The following REV3L variants were observed in gnomAD, a reference collection of about 807,000 sequenced individuals.
REV3L encodes REV3 like, DNA directed polymerase zeta catalytic subunit.
In REV3L, 69 loss-of-function variants were observed where a neutral mutation model predicts 299.4. That is an observed-to-expected ratio of 0.23 (90% confidence interval 0.19 to 0.28). The LOEUF (loss-of-function observed/expected upper bound fraction) is 0.28. Ranked by LOEUF, REV3L falls within the 10% of genes least tolerant of loss-of-function variation. REV3L has a pLI of 1.00. For synonymous variants in REV3L, 1,238 were observed against 1,271.4 expected, an observed-to-expected ratio of 0.97 and a Z score of 0.56; for missense variants, 3,128 against 3,693.8, an observed-to-expected ratio of 0.85 and a Z score of 3.97.
At chr6:111,425,163 T>C (rs1456459190) in intron 1 of REV3L, among the ~76,000 whole-genome samples, 1 of 151,958 alleles carries the variant, frequency 6.6e-6, no homozygotes, top group Admixed American at 6.6e-5. Flanking sequence ...TGAGCAGAGA[T>C]TTCAAATAGA....
intron 31 of REV3L, among the ~76,000 whole-genome samples, chr6:111,304,845 T>C (rs1772091573): frequency 6.6e-6 from 1 of 152,124 alleles, no homozygotes; most frequent in Non-Finnish European, 1.5e-5. Context: ...TGTGAGAACA[T>C]GCAGTATTTG....
intron 31 of REV3L, among the ~76,000 whole-genome samples, chr6:111,303,349 T>A (rs1184904822): frequency 6.6e-6 from 1 of 150,974 alleles, no homozygotes; most frequent in Non-Finnish European, 1.5e-5. Context: ...TTTTAAATTT[T>A]AATTTTTATT....
chr6:111,318,452 C>T lies in REV3L; in HGVS notation c.8352-3071G>A, dbSNP rs563604019. Among the ~76,000 whole-genome samples, 4 of 152,062 alleles carry T rather than the reference C, an allele frequency of 2.6e-5. No homozygotes were observed. The South Asian group carries it at 8.3e-4, about 32-fold the overall frequency. ...CAGGTTTTCTTTTTTCTAAGATAAG[C>T]ATAAAGGAGTGGAATCACTGGGTCA... On this transcript the variant is annotated intron_variant, in intron 26 of 31. Transcript: ENST00000368802.
At chr6:111,430,382 G>C in intron 1 of REV3L, 1 of 1,300,986 alleles carries the variant, frequency 7.7e-7, no homozygotes, top group Non-Finnish European at 1.1e-6. Context: ...AAAAGATCAA[G>C]AACAATGACT....
chr6:111,326,276 C>T (rs1296228362), intron 25 of REV3L, among the ~76,000 whole-genome samples: 1 of 152,072 alleles, frequency 6.6e-6, no homozygotes, highest in Non-Finnish European at 1.5e-5. Context: ...GGAACTCAAA[C>T]AACTCAGTAG....
intron 26 of REV3L, among the ~76,000 whole-genome samples, chr6:111,317,486 CTTACT>C (rs542743503): frequency 1.6e-3 from 245 of 152,092 alleles, no homozygotes; most frequent in African/African-American, 5.5e-3. Flanking sequence ...CCAATACTAC[CTTACT>C]TTATTTTATT....
At chr6:111,472,230 C>A in intron 1 of REV3L, 1 of 653,422 alleles carries the variant, frequency 1.5e-6, no homozygotes. Flanking sequence ...CACATATCAA[C>A]ATGTATTCTT....
chr6:111,307,955 G>A (rs909785265), intron 30 of REV3L: 5 of 283,242 alleles, frequency 1.8e-5, no homozygotes, highest in Non-Finnish European at 2.8e-5. Context: ...CCCCCGACAG[G>A]CCCTGGTGTG....
chr6:111,323,406 T>G (rs1265145044), intron 25 of REV3L, among the ~76,000 whole-genome samples: 1 of 152,226 alleles, frequency 6.6e-6, no homozygotes, highest in Non-Finnish European at 1.5e-5. Context: ...GATGATAATG[T>G]CTTTCAATAT....
In REV3L at chr6:111,300,123, G is replaced by C; in HGVS notation, c.9286C>G (p.His3096Asp). Reference protein sequence around the residue: ...CKNCTGCFDRHIPCVSLNCPV... With the variant: ...CKNCTGCFDRDIPCVSLNCPV... ...CAGTTCAGAGAAACACATGGGATGT[G>C]TCGATCAAAGCAACCTGTACAGTTC... Residue 3096 changes from histidine (H) to aspartate (D), a missense_variant, in exon 32 of 32, where the codon CAC becomes GAC. Transcript: ENST00000368802. 6.2e-7 allele frequency: 1 copy of C among 1,612,710 alleles called. No individual in the cohort carries two copies. The highest frequency in any genetic ancestry group is 8.5e-7 in the Non-Finnish European group (1 of 1,179,446).
rs1338416567 is a variant in REV3L at position 111,376,231 on chromosome 6, G to C, written c.2124C>G (p.Asn708Lys). 1 of 1,613,592 alleles carries C rather than the reference G, an allele frequency of 6.2e-7. No individual in the cohort carries two copies. Among genetic ancestry groups the C allele is most frequent in the Admixed American group, 1.7e-5 (1 of 59,980 alleles). The change falls in exon 13 of 32, where the codon AAC becomes AAG. Residue 708 changes from asparagine to lysine, a missense_variant. Physicochemically the swap from Asn to Lys is moderately conservative, Grantham distance 94 (BLOSUM62 0). Transcript: ENST00000368802. ...NENTLGKNSF[N>K]FSDLNHSKNK... Reference sequence around the variant, plus strand: ...TTTTTGAATGATTTAAGTCAGAAAAGTTGAAAGAATTTTTGCCCAATGTAT... The same window carrying C: ...TTTTTGAATGATTTAAGTCAGAAAACTTGAAAGAATTTTTGCCCAATGTAT...
chr6:111,364,370 A>G (rs1436039784), intron 15 of REV3L, among the ~76,000 whole-genome samples: 3 of 152,254 alleles, frequency 2.0e-5, no homozygotes, highest in Non-Finnish European at 4.4e-5. Flanking sequence ...GATTTGAAAT[A>G]CTGATTTGTA....
chr6:111,303,690 A>AGATGGAGT (rs1771910308), intron 31 of REV3L, among the ~76,000 whole-genome samples: 2 of 27,108 alleles, frequency 7.4e-5, no homozygotes, highest in Non-Finnish European at 2.4e-4. Context: ...TTTTTTTTTA[A>AGATGGAGT]CAGACTATGA....
At chr6:111,303,728 T>A in intron 31 of REV3L, among the ~76,000 whole-genome samples, 1 of 81,924 alleles carries the variant, frequency 1.2e-5, no homozygotes, top group Non-Finnish European at 2.7e-5. Flanking sequence ...TTTTTTTTTT[T>A]TTTTTTTTTA....
At chr6:111,396,421 A>G (rs960214201) in intron 4 of REV3L, among the ~76,000 whole-genome samples, 1 of 151,288 alleles carries the variant, frequency 6.6e-6, no homozygotes, top group Admixed American at 6.6e-5. Context: ...TTTTGTGTCT[A>G]TGTTCATCAG....
intron 13 of REV3L, among the ~76,000 whole-genome samples, chr6:111,370,284 T>C (rs572484832): frequency 1.3e-5 from 2 of 152,326 alleles, no homozygotes; most frequent in South Asian, 2.1e-4. Flanking sequence ...TAATCACTAC[T>C]AATAACACCA....
chr6:111,374,048 G>A lies in REV3L; in HGVS notation c.4307C>T (p.Ser1436Leu), dbSNP rs1317505801. 1.2e-6 allele frequency: 2 copies of A among 1,614,088 alleles called. No individual in the cohort carries two copies. The highest frequency in any genetic ancestry group is 8.5e-7 in the Non-Finnish European group (1 of 1,179,992). ...QQQIVCIAEQ[S>L]KHSETCSPGN... The stretch of plus-strand genomic sequence containing the variant: ...CGGAGAACAAGTTTCACTGTGCTTT[G>A]ACTGTTCCGCTATGCACACAATCTG... Residue 1436 changes from serine (S) to leucine (L), a missense_variant, in exon 13 of 32, where the codon TCA (serine) becomes TTA (leucine). Ser to Leu is a moderately radical substitution (Grantham distance 145). This residue lies in a region of REV3L where 2,409 missense variants were observed against 2,611.8 expected (regional missense o/e 0.92). Transcript: ENST00000368802.
At chr6:111,402,103 CCTGT>C (rs1230034761) in intron 4 of REV3L, among the ~76,000 whole-genome samples, 1 of 151,864 alleles carries the variant, frequency 6.6e-6, no homozygotes, top group African/African-American at 2.4e-5. Context: ...ACAGCAAAAC[CCTGT>C]CTTACAAAGA....
Position 111,351,730 on chromosome 6 carries a change from G to T in REV3L, c.7246C>A (p.Gln2416Lys), listed in dbSNP as rs200527090. The change falls in exon 19 of 32, where the codon CAA becomes AAA. Residue 2416 changes from glutamine (Q) to lysine (K), a missense_variant. By Grantham distance (53) the Gln-to-Lys change is moderately conservative. This residue lies in a region of REV3L where 82 missense variants were observed against 142.7 expected (regional missense o/e 0.57). Coordinates refer to ENST00000368802, the MANE Select transcript of REV3L (RefSeq NM_001372078.1). ...IQMHSWGYLL[Q>K]RAAALSIDLC... Reference sequence around the variant, plus strand: ...TCAATACTTAAAGCGGCAGCCCTTTGTAAGAGGTAACCCCAGGAATGCATC... The same window carrying T: ...TCAATACTTAAAGCGGCAGCCCTTTTTAAGAGGTAACCCCAGGAATGCATC... 9.9e-6 allele frequency: 16 copies of T among 1,613,812 alleles called. No homozygotes were observed. The highest frequency in any genetic ancestry group is 1.2e-5 in the Non-Finnish European group (14 of 1,179,824).
Sources: allele counts gnomAD v4.1 joint callset (sites outside exome capture counted in the v4.1 genomes callset), GRCh38; gene constraint gnomAD v4.1.1; regional missense constraint gnomAD v4.1.1; transcripts MANE v1.5; gene names NCBI Gene and HGNC (gene_info 2026-07-23, HGNC 2026-07-21).